SND1: variants seen among roughly 807,000 people sequenced by gnomAD.
SND1 encodes staphylococcal nuclease domain-containing protein 1.
Under a neutral mutation model 121.7 loss-of-function variants are expected in SND1, and 38 were observed. The observed-to-expected ratio is 0.31, with a 90% CI of 0.24 to 0.41. SND1 has a LOEUF of 0.41. Ranked by LOEUF, SND1 falls within the 10% of genes least tolerant of loss-of-function variation. SND1 has a pLI of 1.00. For synonymous variants in SND1, 401 were observed against 447.4 expected (o/e 0.90, Z 1.31); for missense variants, 868 against 1,184.6 (o/e 0.73, Z 3.92).
intron 9 of SND1, chr7:127,718,479 C>A: frequency 1.5e-6 from 1 of 666,590 alleles, no homozygotes; most frequent in Non-Finnish European, 1.9e-6. Context: ...CCCACTTATA[C>A]ACACACGCGG....
chr7:127,730,709 G>A (rs1207066628), intron 10 of SND1, among the ~76,000 whole-genome samples: 3 of 152,042 alleles, frequency 2.0e-5, no homozygotes, highest in Admixed American at 2.0e-4. Flanking sequence ...ATGTAGATTT[G>A]TCATTTCTTC....
chr7:127,699,279 C>T (rs1796061375), intron 4 of SND1, among the ~76,000 whole-genome samples: 1 of 152,196 alleles, frequency 6.6e-6, no homozygotes, highest in African/African-American at 2.4e-5. Context: ...TGAGCACTTA[C>T]TATGTGCCAG....
At chr7:128,074,282 C>T (rs1311208997) in intron 16 of SND1, among the ~76,000 whole-genome samples, 3 of 152,180 alleles carry the variant, frequency 2.0e-5, no homozygotes, top group Non-Finnish European at 2.9e-5. Context: ...AGCTTTCTGC[C>T]GCAAGGAGGG....
chr7:127,718,689 G>C (rs1796434727), intron 9 of SND1: 7 of 985,306 alleles, frequency 7.1e-6, no homozygotes, highest in Non-Finnish European at 8.4e-6. Context: ...ATATTACAAG[G>C]GGTGCCTAAT....
chr7:127,677,365 A>T (rs2119452), intron 1 of SND1, among the ~76,000 whole-genome samples: 49,802 of 152,174 alleles, frequency 0.33, 9,075 homozygotes, highest in Admixed American at 0.42. Flanking sequence ...GTCACTGCTG[A>T]CATTGATTTG....
At chr7:127,843,780 T>G (rs947041171) in intron 11 of SND1, among the ~76,000 whole-genome samples, 1 of 152,186 alleles carries the variant, frequency 6.6e-6, no homozygotes, top group Non-Finnish European at 1.5e-5. Flanking sequence ...ATGGTAAGAG[T>G]ACATGTTCAG....
rs374235846 is a variant in SND1 at position 127,967,700 on chromosome 7, T to TA, written c.1670-23246dup. Among the ~76,000 whole-genome samples the TA allele has an allele frequency of 5.0e-4, 76 of 152,344 alleles. 1 individual carries two copies. The highest frequency in any genetic ancestry group is 3.4e-3 in the Middle Eastern group (1 of 294). The stretch of plus-strand genomic sequence containing the variant: ...TTTATCCATATTCAGTTTTTCTCGA[T>TA]ATACCCTGCTTTTACATTAGTATAC... On this transcript the variant is annotated intron_variant, in intron 15 of 23. Coordinates refer to ENST00000354725, the MANE Select transcript of SND1 (RefSeq NM_014390.4).
intron 12 of SND1, among the ~76,000 whole-genome samples, chr7:127,880,718 T>TGG (rs1799774819): frequency 1.4e-5 from 2 of 147,904 alleles, no homozygotes; most frequent in East Asian, 2.0e-4. Flanking sequence ...AATGCAGGGG[T>TGG]GTGTGTGTGT....
chr7:127,919,787 G>A (rs1053648707), intron 14 of SND1, among the ~76,000 whole-genome samples: 18 of 152,070 alleles, frequency 1.2e-4, no homozygotes, highest in Admixed American at 1.2e-3. Flanking sequence ...GCCTTTTTCT[G>A]TGTTTATCTT....
At chr7:127,671,595 T>C (rs1445875659) in intron 1 of SND1, among the ~76,000 whole-genome samples, 1 of 152,178 alleles carries the variant, frequency 6.6e-6, no homozygotes, top group African/African-American at 2.4e-5. Flanking sequence ...ACTATAGCCT[T>C]GAACTCTTGG....
intron 12 of SND1, among the ~76,000 whole-genome samples, chr7:127,872,148 T>G (rs1023222764): frequency 6.6e-6 from 1 of 152,152 alleles, no homozygotes; most frequent in Non-Finnish European, 1.5e-5. Flanking sequence ...AAACTCATTA[T>G]AATATGTCTG....
At chr7:127,731,987 G>A (rs114064733) in intron 10 of SND1, among the ~76,000 whole-genome samples, 38 of 152,302 alleles carry the variant, frequency 2.5e-4, no homozygotes, top group African/African-American at 8.7e-4. Flanking sequence ...GGTGTTGAAT[G>A]TCTCTCTCTT....
chr7:127,781,067 A>C (rs547869357), intron 10 of SND1, among the ~76,000 whole-genome samples: 11 of 152,332 alleles, frequency 7.2e-5, no homozygotes, highest in African/African-American at 1.7e-4. Flanking sequence ...GATATATGGG[A>C]ACATATTTCT....
At chr7:127,951,376 CAT>C (rs917738846) in intron 15 of SND1, among the ~76,000 whole-genome samples, 18 of 152,176 alleles carry the variant, frequency 1.2e-4, no homozygotes, top group African/African-American at 4.3e-4. Flanking sequence ...TAGTGACACT[CAT>C]AGAAACAGAG....
chr7:127,705,044 C>T, intron 8 of SND1, 99 bp downstream of exon 8: 1 of 957,314 alleles, frequency 1.0e-6, no homozygotes, highest in Non-Finnish European at 1.7e-6. Flanking sequence ...TGTCAGTGTT[C>T]ATTTTACTTC....
chr7:127,691,492 C>T (rs1234405842), intron 2 of SND1, among the ~76,000 whole-genome samples: 4 of 151,836 alleles, frequency 2.6e-5, no homozygotes. Flanking sequence ...TGCAGTGAAC[C>T]AAGATTATGC....
chr7:127,703,896 G>C (rs908782145), intron 7 of SND1, among the ~76,000 whole-genome samples: 6 of 152,148 alleles, frequency 3.9e-5, no homozygotes, highest in Admixed American at 1.3e-4. Flanking sequence ...GGTCCTAGGG[G>C]TTGCTACATT....
chr7:127,858,346 A>G (rs1166122111), intron 12 of SND1: 8 of 1,346,166 alleles, frequency 5.9e-6, no homozygotes, highest in Non-Finnish European at 8.3e-6. Flanking sequence ...GGGCCCCCAG[A>G]TGCCTCAGTG....
chr7:127,963,236 G>A (rs549203617), intron 15 of SND1, among the ~76,000 whole-genome samples: 3 of 147,428 alleles, frequency 2.0e-5, no homozygotes, highest in East Asian at 3.9e-4. Flanking sequence ...TAAGACTAGA[G>A]CGGCATATTT....
Sources: gnomAD v4.1 joint callset for allele counts (sites outside exome capture counted in the v4.1 genomes callset) on GRCh38, gnomAD v4.1.1 for gene constraint, MANE v1.5 for transcripts, NCBI Gene and HGNC (gene_info 2026-07-23, HGNC 2026-07-21) for gene names.